Variants in PPP4R2 observed in about 807,000 individuals in gnomAD.
The protein encoded by PPP4R2 is serine/threonine-protein phosphatase 4 regulatory subunit 2.
In PPP4R2, 13 loss-of-function variants were observed where a neutral mutation model predicts 47.2. That is an observed-to-expected ratio of 0.28 (90% CI 0.18 to 0.44). The LOEUF is 0.44. PPP4R2 is among the 20% of genes least tolerant of loss of function. The probability of loss-of-function intolerance (pLI) is 1.00; values close to 1 mark genes in which losing one functional copy is unlikely to be tolerated. For synonymous variants in PPP4R2, 151 were observed against 163.3 expected (o/e 0.92, Z 0.57); for missense variants, 421 against 491.2 (o/e 0.86, Z 1.35).
chr3:73,029,452 C>T (rs995365949), intron 2 of PPP4R2, among the ~76,000 whole-genome samples: 5 of 152,098 alleles, frequency 3.3e-5, no homozygotes, highest in African/African-American at 9.7e-5. Context: ...TTTGAAGGTA[C>T]AACCAACAGG....
chr3:73,002,402 A>T (rs1360039530), intron 2 of PPP4R2, among the ~76,000 whole-genome samples: 2 of 152,056 alleles, frequency 1.3e-5, no homozygotes, highest in African/African-American at 4.8e-5. Context: ...CAGATAGGGT[A>T]CATGCCACGA....
intron 3 of PPP4R2, among the ~76,000 whole-genome samples, chr3:73,052,112 AAATG>A (rs1342845596): frequency 6.6e-6 from 1 of 152,190 alleles, no homozygotes; most frequent in Non-Finnish European, 1.5e-5. Flanking sequence ...GTGGATGGAT[AAATG>A]AATGAATGAG....
At chr3:73,044,830 T>C (rs1454777982) in intron 2 of PPP4R2, among the ~76,000 whole-genome samples, 1 of 152,234 alleles carries the variant, frequency 6.6e-6, no homozygotes, top group Non-Finnish European at 1.5e-5. Context: ...GTAGGTGTTC[T>C]TTATATAATC....
intron 2 of PPP4R2, among the ~76,000 whole-genome samples, chr3:73,008,280 TGCCC>T (rs1701654184): frequency 3.3e-5 from 5 of 152,222 alleles, no homozygotes; most frequent in Admixed American, 1.3e-4. Flanking sequence ...GTTGAATAGA[TGCCC>T]TTTTGCTTCT....
intron 2 of PPP4R2, among the ~76,000 whole-genome samples, chr3:73,004,944 C>CGTGTGTGT (rs67945272): frequency 3.8e-4 from 44 of 116,950 alleles, no homozygotes; most frequent in Admixed American, 3.4e-3. Flanking sequence ...GAGTCGGAGT[C>CGTGTGTGT]GTGTGTGTGT....
chr3:73,063,756 C>T lies in PPP4R2; in HGVS notation c.494+9C>T, dbSNP rs995354551. The T allele has an allele frequency of 4.0e-6, 6 of 1,510,012 alleles. No homozygotes were observed. The highest frequency in any genetic ancestry group is 5.4e-6 in the Non-Finnish European group (6 of 1,104,772). The allele number at this position is 1,510,012 out of a possible 1,614,324, so 93.5% of individuals were successfully genotyped here. Reference sequence around the variant, plus strand: ...CCAAGCTATACTGAGAGGTGAGATTCTAGATTTTTAATACCTACAGAGTTT... The same window carrying T: ...CCAAGCTATACTGAGAGGTGAGATTTTAGATTTTTAATACCTACAGAGTTT... On this transcript the variant is annotated intron_variant, in intron 6 of 8. Coordinates refer to ENST00000356692, the MANE Select transcript of PPP4R2 (RefSeq NM_174907.4).
At chr3:73,021,757 C>T (rs568511088) in intron 2 of PPP4R2, among the ~76,000 whole-genome samples, 37 of 151,820 alleles carry the variant, frequency 2.4e-4, no homozygotes, top group African/African-American at 8.0e-4. Flanking sequence ...CCAAGTACTG[C>T]GCTAGGTATT....
intron 3 of PPP4R2, among the ~76,000 whole-genome samples, chr3:73,058,130 T>A (rs116215864): frequency 0.014 from 2,161 of 152,228 alleles, 26 homozygotes; most frequent in African/African-American, 0.031. Flanking sequence ...TGATTTTAGT[T>A]CCAACTTATA....
chr3:73,061,181 T>C (rs1250943722), intron 5 of PPP4R2, 121 bp downstream of exon 5: 3 of 450,476 alleles, frequency 6.7e-6, no homozygotes, highest in South Asian at 5.4e-5. Context: ...TGTGATAACA[T>C]ACTTGTGAAC....
intron 3 of PPP4R2, among the ~76,000 whole-genome samples, chr3:73,049,784 GTAT>G (rs1026522492): frequency 2.4e-4 from 36 of 150,290 alleles, no homozygotes; most frequent in South Asian, 2.1e-4. Flanking sequence ...TTAATATTGT[GTAT>G]TATTTATTAC....
chr3:73,004,228 A>G (rs1421134238), intron 2 of PPP4R2, among the ~76,000 whole-genome samples: 1 of 146,698 alleles, frequency 6.8e-6, no homozygotes, highest in Non-Finnish European at 1.5e-5. Context: ...TTTGTTGAGC[A>G]TGGGGTCTCG....
In PPP4R2 at chr3:73,062,604, A is replaced by G. The variant is rs753648597; in HGVS notation, c.420-1069A>G. On this transcript the variant is annotated intron_variant, in intron 5 of 8. Transcript: ENST00000356692. ...CAGATTCAAAGATATGCCTAACTTT[A>G]TTGCCCTTGAGAAGTCATCAGTTCT... 26 of 1,613,900 alleles carry G rather than the reference A, an allele frequency of 1.6e-5. No homozygotes were observed. The highest frequency in any genetic ancestry group is 2.0e-5 in the Non-Finnish European group (24 of 1,179,902).
At chr3:73,046,893 C>T (rs2107309730) in intron 2 of PPP4R2, among the ~76,000 whole-genome samples, 1 of 152,192 alleles carries the variant, frequency 6.6e-6, no homozygotes, top group South Asian at 2.1e-4. Context: ...TTATTTTAAA[C>T]ATACTAAGAA....
chr3:73,062,369 C>G, intron 5 of PPP4R2: 1 of 1,607,060 alleles, frequency 6.2e-7, no homozygotes, highest in Non-Finnish European at 8.5e-7. Flanking sequence ...CCCAACCCAG[C>G]ATTGGGGATA....
At chr3:73,015,639 C>CTTT (rs1357650265) in intron 2 of PPP4R2, among the ~76,000 whole-genome samples, 3 of 139,022 alleles carry the variant, frequency 2.2e-5, no homozygotes, top group East Asian at 2.1e-4. Context: ...CCATGCCCAG[C>CTTT]TTTTTTTTTT....
At chr3:73,030,581 T>C (rs535595163) in intron 2 of PPP4R2, among the ~76,000 whole-genome samples, 1 of 151,762 alleles carries the variant, frequency 6.6e-6, no homozygotes, top group East Asian at 1.9e-4. Context: ...TTCTTCCCTA[T>C]GTAGGCACAG....
At chr3:73,044,220 T>TTTGTTGTTG (rs35270798) in intron 2 of PPP4R2, among the ~76,000 whole-genome samples, 2 of 150,856 alleles carry the variant, frequency 1.3e-5, no homozygotes, top group Admixed American at 1.3e-4. Flanking sequence ...TTTCATAATT[T>TTTGTTGTTG]TTGTTGTTGT....
At position 73,063,253 on chromosome 3, in the gene PPP4R2, G is replaced by GA. The variant is rs376593121; in HGVS notation, c.420-419dup. On this transcript the variant is annotated intron_variant, in intron 5 of 8. Transcript: ENST00000356692. ...AATGGCATCTACCCCGTAAGATCTT[G>GA]AGGGGGGAGTGTTGGGTGGAATCAT... 1.9e-4 allele frequency: 57 copies of GA among 295,458 alleles called. 1 individual carries two copies. The highest frequency in any genetic ancestry group is 8.2e-4 in the African/African-American group (35 of 42,876). 18.3% of individuals were successfully genotyped at this position (295,458 alleles called of 1,614,324 possible).
In PPP4R2 at chr3:73,068,130, G is replaced by A. The variant is rs1028914225; in HGVS notation, c.*2408G>A. On this transcript the variant is annotated 3_prime_UTR_variant, in exon 9 of 9. Coordinates refer to ENST00000356692, the MANE Select transcript of PPP4R2 (RefSeq NM_174907.4). ...GGTATTCATAGGTGCACTTAACACA[G>A]ACTTTGCTTAATGAAAATGTCAGTT... 7.2e-5 allele frequency: 11 copies of A among 152,244 alleles called. No homozygotes were observed. The highest frequency in any genetic ancestry group is 2.6e-4 in the African/African-American group (11 of 41,554). 9.4% of individuals were successfully genotyped at this position (152,244 alleles called of 1,614,324 possible). A position where few individuals can be genotyped will look rare whatever the true frequency, so the allele number is the denominator to read the frequency against.
Sources: allele counts gnomAD v4.1 joint callset (sites outside exome capture counted in the v4.1 genomes callset), GRCh38; gene constraint gnomAD v4.1.1; transcripts MANE v1.5; gene names NCBI Gene and HGNC (gene_info 2026-07-23, HGNC 2026-07-21).